Variants in XRCC5 observed in about 807,000 individuals in gnomAD.
XRCC5 encodes DNA repair protein Ku80.
A neutral mutation model predicts 95.7 loss-of-function variants in XRCC5; 12 were observed. That is an observed-to-expected ratio of 0.13 (90% CI 0.08 to 0.20). XRCC5 has a LOEUF of 0.20. Among genes scored for constraint, XRCC5 ranks in the 10% least tolerant of loss-of-function variants. The pLI is 1.00. For synonymous variants in XRCC5, 281 were observed against 290.3 expected (o/e 0.97, Z 0.33); for missense variants, 595 against 873.9 (o/e 0.68, Z 4.02).
At chr2:216,159,187 T>C (rs1688902312) in intron 14 of XRCC5, among the ~76,000 whole-genome samples, 1 of 152,256 alleles carries the variant, frequency 6.6e-6, no homozygotes, top group Admixed American at 6.5e-5. Context: ...TCTCTTATCA[T>C]TTAGCCATTT....
intron 1 of XRCC5, among the ~76,000 whole-genome samples, 176 bp from the exon 2 acceptor site, chr2:216,112,840 G>C (rs758730496): frequency 2.0e-5 from 3 of 152,108 alleles, no homozygotes; most frequent in Non-Finnish European, 4.4e-5. Flanking sequence ...ACTATTTAAG[G>C]GTTTTCCATA....
intron 16 of XRCC5, among the ~76,000 whole-genome samples, chr2:216,167,469 TTACA>T (rs1276637527): frequency 6.6e-6 from 1 of 152,112 alleles, no homozygotes; most frequent in Non-Finnish European, 1.5e-5. Context: ...AGCTGTTTAC[TTACA>T]TACATTATGT....
chr2:216,110,639 A>T (rs1696570180), intron 1 of XRCC5: 1 of 152,254 alleles, frequency 6.6e-6, no homozygotes, highest in Non-Finnish European at 1.5e-5. Context: ...AATATAGACC[A>T]TTCTGCTTCC....
chr2:216,139,745 C>A (rs1053439833), intron 12 of XRCC5, among the ~76,000 whole-genome samples: 2 of 152,292 alleles, frequency 1.3e-5, no homozygotes, highest in East Asian at 3.9e-4. Context: ...TGGGTTCAAA[C>A]AATCCTCACA....
rs537048072 is a variant in XRCC5, at chr2:216,117,582, G to C, written c.320-164G>C. 6.6e-4 allele frequency: 391 copies of C among 596,204 alleles called. 1 individual carries two copies. The highest frequency in any genetic ancestry group is 1.6e-3 in the Admixed American group (58 of 35,576). The allele number at this position is 596,204 out of a possible 1,614,324, so 36.9% of individuals were successfully genotyped here. ...ATATAGTTTGATATATAGAATGTAT[G>C]AATATATGTTAGTGAACTTTGGAAG... On this transcript the variant is annotated intron_variant, in intron 3 of 20. Transcript: ENST00000392132.
chr2:216,141,342 G>C, intron 13 of XRCC5, 23 bp downstream of exon 13: 1 of 1,613,278 alleles, frequency 6.2e-7, no homozygotes, highest in Non-Finnish European at 8.5e-7. Context: ...GGATGAACAA[G>C]TCATATTTCT....
intron 10 of XRCC5, among the ~76,000 whole-genome samples, chr2:216,136,579 T>TA (rs1488767692): frequency 1.3e-5 from 2 of 152,144 alleles, no homozygotes; most frequent in African/African-American, 2.4e-5. Context: ...GGTGAGATGC[T>TA]ACTGTCAAAC....
intron 13 of XRCC5, among the ~76,000 whole-genome samples, chr2:216,145,374 ACAGTTAAAAC>A (rs1364864575): frequency 6.6e-6 from 1 of 152,158 alleles, no homozygotes; most frequent in Non-Finnish European, 1.5e-5. Flanking sequence ...TGTCAAGTAT[ACAGTTAAAAC>A]CACTTTTTAA....
At chr2:216,181,856 G>A (rs542615083) in intron 16 of XRCC5, among the ~76,000 whole-genome samples, 3 of 152,246 alleles carry the variant, frequency 2.0e-5, no homozygotes, top group South Asian at 2.1e-4. Context: ...AGAATCTAAC[G>A]TGTCTGTATT....
rs1689901642 is a variant in XRCC5, at chr2:216,204,306, G to C, written c.2110-16G>C. 1 of 1,613,602 alleles carries C rather than the reference G, an allele frequency of 6.2e-7. No individual in the cohort carries two copies. Among genetic ancestry groups the C allele is most frequent in the African/African-American group, 1.3e-5 (1 of 75,002 alleles). ...AAAATATCATTTTGGTATGATAACT[G>C]ACTTTCTATTTACAGTTTCTGGCCC... On this transcript the variant is annotated splice_polypyrimidine_tract_variant and intron_variant, in intron 19 of 20. Transcript: ENST00000392132.
chr2:216,125,772 G>A, intron 6 of XRCC5, 145 bp from the exon 7 acceptor site: 4 of 615,764 alleles, frequency 6.5e-6, no homozygotes, highest in Non-Finnish European at 1.1e-5. Flanking sequence ...CCAACTTGTG[G>A]TTGTTGTTTT....
chr2:216,140,010 G>A (rs1697148069), intron 12 of XRCC5, among the ~76,000 whole-genome samples: 1 of 152,202 alleles, frequency 6.6e-6, no homozygotes, highest in Admixed American at 6.5e-5. Context: ...ATGCCAGGAT[G>A]ATCTGGCCTC....
chr2:216,159,981 T>C (rs993140657), intron 14 of XRCC5, 87 bp from the exon 15 acceptor site: 3 of 653,252 alleles, frequency 4.6e-6, no homozygotes, highest in Non-Finnish European at 7.3e-6. Context: ...TTTCTTTTTT[T>C]TTTTTGGTGC....
chr2:216,159,227 T>G (rs1342677292), intron 14 of XRCC5, among the ~76,000 whole-genome samples: 1 of 152,204 alleles, frequency 6.6e-6, no homozygotes, highest in African/African-American at 2.4e-5. Context: ...TAGATTGCAT[T>G]TCTCTCTGGG....
At chr2:216,155,677 C>T (rs1182623271) in intron 14 of XRCC5, among the ~76,000 whole-genome samples, 1 of 152,064 alleles carries the variant, frequency 6.6e-6, no homozygotes, top group East Asian at 1.9e-4. Context: ...TCTAAGGTCA[C>T]CACTGAAGGA....
intron 16 of XRCC5, among the ~76,000 whole-genome samples, chr2:216,185,710 C>T (rs1412667284): frequency 6.8e-6 from 1 of 146,890 alleles, no homozygotes; most frequent in Non-Finnish European, 1.5e-5. Context: ...GAATCTCACT[C>T]TGTTGCCCAG....
In XRCC5 at chr2:216,114,125, G is replaced by T. The variant is rs189213295; in HGVS notation, c.135+996G>T. Among the ~76,000 whole-genome samples, 247 of 152,288 alleles carry T rather than the reference G, an allele frequency of 1.6e-3. 8 individuals are homozygous for T. The highest frequency in any genetic ancestry group is 1.7e-3 in the Non-Finnish European group (114 of 68,018). On this transcript the variant is annotated intron_variant, in intron 2 of 20. Coordinates refer to ENST00000392132, the MANE Select transcript of XRCC5 (RefSeq NM_021141.4). ...CATAGGGTAGTTTTGAAGAATAAAAGAATTAATGTAGATAAAGTGCTTAGA... is the reference window on the plus strand; with the variant it reads ...CATAGGGTAGTTTTGAAGAATAAAATAATTAATGTAGATAAAGTGCTTAGA...
At chr2:216,197,327 A>C (rs1451056509) in intron 19 of XRCC5, among the ~76,000 whole-genome samples, 1 of 151,582 alleles carries the variant, frequency 6.6e-6, no homozygotes, top group Non-Finnish European at 1.5e-5. Flanking sequence ...TGTTAGTTGT[A>C]GTTTAAGACA....
intron 19 of XRCC5, 50 bp downstream of exon 19, chr2:216,195,036 T>G (rs1259997269): frequency 6.4e-7 from 1 of 1,561,474 alleles, no homozygotes; most frequent in Non-Finnish European, 8.8e-7. Context: ...TAGTGGACTT[T>G]ATTTTCTTGA....
Sources: allele counts gnomAD v4.1 joint callset (sites outside exome capture counted in the v4.1 genomes callset), GRCh38; gene constraint gnomAD v4.1.1; transcripts MANE v1.5; gene names NCBI Gene and HGNC (gene_info 2026-07-23, HGNC 2026-07-21).